The following GBP3 variants were observed in gnomAD, a reference collection of about 807,000 sequenced individuals.
The protein encoded by GBP3 is guanylate binding protein 3, also known as guanylate-binding protein 3.
A neutral mutation model predicts 62.4 loss-of-function variants in GBP3; 55 were observed. The observed-to-expected ratio is 0.88, with a 90% CI of 0.71 to 1.10. The LOEUF is 1.10. Among genes scored for constraint, GBP3 ranks in the 50% least tolerant of loss-of-function variants. GBP3 has a pLI of 0.00. For synonymous variants in GBP3, 208 were observed against 259.2 expected, an observed-to-expected ratio of 0.80 and a Z score of 1.90; for missense variants, 605 against 690.6, an observed-to-expected ratio of 0.88 and a Z score of 1.39.
chr1:89,007,946 T>A, intron 10 of GBP3, 94 bp from the exon 11 acceptor site: 1 of 1,179,732 alleles, frequency 8.5e-7, no homozygotes, highest in Non-Finnish European at 1.2e-6. Context: ...ATTTAGTACT[T>A]AGTTTTTTTC....
chr1:89,015,813 A>G (rs1678861249), intron 2 of GBP3, among the ~76,000 whole-genome samples: 1 of 151,724 alleles, frequency 6.6e-6, no homozygotes, highest in African/African-American at 2.4e-5. Flanking sequence ...AACAAAGGAC[A>G]TACATGAAAA....
intron 1 of GBP3, among the ~76,000 whole-genome samples, chr1:89,021,510 GCACACACA>G (rs1553178198): frequency 1.1e-4 from 14 of 131,668 alleles, no homozygotes; most frequent in African/African-American, 3.3e-4. Context: ...GCGCGCGCGC[GCACACACA>G]CACACACACA....
In GBP3 at chr1:89,010,814, C is replaced by G. The variant is rs1432714421; in HGVS notation, c.1362+90G>C. 13 of 1,409,590 alleles carry G rather than the reference C, an allele frequency of 9.2e-6. 3 individuals carry two copies. The highest frequency in any genetic ancestry group is 1.1e-5 in the Non-Finnish European group (11 of 1,008,486). 87.3% of individuals were successfully genotyped at this position (1,409,590 alleles called of 1,614,324 possible). On this transcript the variant is annotated intron_variant, in intron 8 of 10. Transcript: ENST00000370481. ...CATGAATGTTATACAGACAAAAAAG[C>G]ACATCTGTGTGCAGTGAAGCTTGGT...
At chr1:89,008,457 G>A (rs1678360787) in intron 10 of GBP3, among the ~76,000 whole-genome samples, 1 of 148,032 alleles carries the variant, frequency 6.8e-6, no homozygotes, top group Non-Finnish European at 1.5e-5. Context: ...GAGGGTTAGG[G>A]AGTCCTTCTG....
At chr1:89,019,860 C>T (rs1485186490) in intron 2 of GBP3, among the ~76,000 whole-genome samples, 2 of 152,096 alleles carry the variant, frequency 1.3e-5, no homozygotes, top group African/African-American at 4.8e-5. Context: ...TTAATTAATA[C>T]CACAGAACTA....
intron 1 of GBP3, among the ~76,000 whole-genome samples, chr1:89,021,080 T>C (rs1679164276): frequency 6.6e-6 from 1 of 152,168 alleles, no homozygotes; most frequent in Admixed American, 6.5e-5. Flanking sequence ...CCTGGCTATA[T>C]GTAAGAAATT....
chr1:89,012,072 ACTCT>A, intron 6 of GBP3, 45 bp from the exon 7 acceptor site: 1 of 1,397,506 alleles, frequency 7.2e-7, no homozygotes, highest in Non-Finnish European at 1.0e-6. Flanking sequence ...ACTAAAGAAA[ACTCT>A]CTATTCTGTG....
chr1:89,014,701 A>G lies in GBP3; in HGVS notation c.319-45T>C, dbSNP rs1219515370. 14 of 1,611,894 alleles carry G rather than the reference A, an allele frequency of 8.7e-6. No individual in the cohort carries two copies. The East Asian group carries it at 8.9e-5, about 10-fold the overall frequency. ...GGAGTCAGGAGCAAGTTTCATCATC[A>G]CAGCACTTTCCAGAGTGACAGTAGT... On this transcript the variant is annotated intron_variant, in intron 3 of 10. Coordinates refer to ENST00000370481, the MANE Select transcript of GBP3 (RefSeq NM_018284.3).
intron 2 of GBP3, chr1:89,020,240 G>T (rs1055763806): frequency 2.4e-5 from 10 of 422,840 alleles, no homozygotes; most frequent in African/African-American, 1.2e-4. Flanking sequence ...CTTGTCTCAA[G>T]AAAAAAAAAG....
chr1:89,014,408 G>T (rs1678766884), intron 4 of GBP3, 129 bp from the exon 5 acceptor site: 1 of 1,593,842 alleles, frequency 6.3e-7, no homozygotes, highest in Non-Finnish European at 8.6e-7. Flanking sequence ...TGGATACATG[G>T]GATCTCTCCT....
In GBP3 at chr1:89,016,860, C is replaced by T. The variant is rs531673581; in HGVS notation, c.191-1446G>A. Among the ~76,000 whole-genome samples the T allele has an allele frequency of 2.0e-5, 3 of 152,242 alleles. No individual in the cohort carries two copies. The East Asian group carries it at 5.8e-4, about 29-fold the overall frequency. ...AAAGTGCTGGGATTACAGGTGTGAA[C>T]CACTGTGCTTGGCCAAACATTCTTA... is the stretch of plus-strand genomic sequence containing the variant. On this transcript the variant is annotated intron_variant, in intron 2 of 10. Transcript: ENST00000370481.
intron 3 of GBP3, 125 bp downstream of exon 3, chr1:89,015,162 A>G (rs2101149568): frequency 2.1e-6 from 2 of 974,844 alleles, no homozygotes; most frequent in African/African-American, 1.6e-5. Flanking sequence ...GCCTTATGAC[A>G]TGTACACAGA....
intron 5 of GBP3, chr1:89,013,661 G>A (rs1678715403): frequency 1.9e-6 from 1 of 519,766 alleles, no homozygotes; most frequent in East Asian, 3.3e-5. Flanking sequence ...TTTGTCTTAG[G>A]CTGCAGTTCG....
In GBP3 at chr1:89,013,312, C is replaced by T. The variant is rs1325697505; in HGVS notation, c.741G>A (p.Gln247=). ...DLPIHRRKLA[Q]LEKLQDEELD... ...GCTCTTCATCTTGTAGTTTCTCAAG[C>T]TGGGCAAGCTTCCTGCGGTGAATGG... The change falls in exon 6 of 11, where the codon CAG becomes CAA. Residue 247 remains glutamine (Q), a synonymous_variant. Coordinates refer to ENST00000370481, the MANE Select transcript of GBP3 (RefSeq NM_018284.3). The T allele has an allele frequency of 6.2e-7, 1 of 1,614,212 alleles. No homozygotes were observed. The highest frequency in any genetic ancestry group is 1.3e-5 in the African/African-American group (1 of 75,050).
chr1:89,015,606 TG>T (rs1678842033), intron 2 of GBP3, among the ~76,000 whole-genome samples, 192 bp from the exon 3 acceptor site: 1 of 151,978 alleles, frequency 6.6e-6, no homozygotes, highest in African/African-American at 2.4e-5. Context: ...GGACCTTTCA[TG>T]ATAAAAACAA....
In GBP3 at chr1:89,020,680, A is replaced by G. The variant is rs562225655; in HGVS notation, c.42T>C (p.Ile14=). The change falls in exon 2 of 11, where the codon ATT becomes ATC. Residue 14 remains isoleucine, a synonymous_variant. Transcript: ENST00000370481. Reference sequence around the variant, plus strand: ...CCACCAGTTCCCCATTAGTGTTCTCAATGAGGCACATTGGGCCTGTCATGT... The same window carrying G: ...CCACCAGTTCCCCATTAGTGTTCTCGATGAGGCACATTGGGCCTGTCATGT... The part of the protein sequence containing the change: ...EIHMTGPMCL[I]ENTNGELVAN... The G allele has an allele frequency of 6.2e-6, 10 of 1,610,226 alleles. No homozygotes were observed. The highest frequency in any genetic ancestry group is 2.2e-5 in the East Asian group (1 of 44,808).
intron 6 of GBP3, among the ~76,000 whole-genome samples, 157 bp downstream of exon 6, chr1:89,013,028 T>G (rs1678658958): frequency 6.6e-6 from 1 of 152,026 alleles, no homozygotes; most frequent in Non-Finnish European, 1.5e-5. Flanking sequence ...AGTAGAGACA[T>G]GGTTTTGCCA....
intron 1 of GBP3, among the ~76,000 whole-genome samples, chr1:89,021,326 A>G (rs1325377720): frequency 2.6e-5 from 4 of 152,150 alleles, no homozygotes; most frequent in Non-Finnish European, 4.4e-5. Flanking sequence ...CTATACAACT[A>G]CATAACCATG....
At chr1:89,021,499 T>TGCACGC (rs1553178138) in intron 1 of GBP3, among the ~76,000 whole-genome samples, 2 of 119,054 alleles carry the variant, frequency 1.7e-5, no homozygotes, top group Non-Finnish European at 3.6e-5. Context: ...GAAACACGCA[T>TGCACGC]GCGCGCGCGC....
Sources: gnomAD v4.1 joint callset for allele counts (sites outside exome capture counted in the v4.1 genomes callset) on GRCh38, gnomAD v4.1.1 for gene constraint, MANE v1.5 for transcripts, NCBI Gene and HGNC (gene_info 2026-07-23, HGNC 2026-07-21) for gene names.